Variants in DISP2 observed in about 807,000 individuals in gnomAD.
The protein encoded by DISP2 is protein dispatched homolog 2.
DISP2 carries 59 observed loss-of-function variants against 95.5 expected under a neutral mutation model. The observed-to-expected ratio is 0.62, with a 90% CI of 0.50 to 0.77. The LOEUF (loss-of-function observed/expected upper bound fraction) is 0.77, where lower values mean the gene tolerates loss of function less well. Among genes scored for constraint, DISP2 ranks in the 30% least tolerant of loss-of-function variants. The pLI is 0.00. For synonymous variants in DISP2, 827 were observed against 815.0 expected (o/e 1.01, Z -0.25); for missense variants, 1,752 against 1,854.6 (o/e 0.94, Z 1.02).
intron 3 of DISP2, 64 bp from the exon 4 acceptor site, chr15:40,364,357 G>A (rs572020648): frequency 1.2e-6 from 2 of 1,613,292 alleles, no homozygotes; most frequent in Non-Finnish European, 1.7e-6. Context: ...CTTCTGGGTG[G>A]AGCCTGAGCT....
intron 1 of DISP2, among the ~76,000 whole-genome samples, chr15:40,363,210 G>T (rs573758694): frequency 5.3e-5 from 8 of 151,914 alleles, no homozygotes; most frequent in African/African-American, 1.9e-4. Context: ...TACTCAGGAG[G>T]CTGAGGCAGG....
rs754528067 is a variant in DISP2 at position 40,364,942 on chromosome 15, T to A, written c.708T>A (p.Leu236=). ...AGCTGCTTTTCCTTTCCCCAGACCTTGAGCTGAACAGGTAACAGGCTCTCA... is the reference window on the plus strand; with the variant it reads ...AGCTGCTTTTCCTTTCCCCAGACCTAGAGCTGAACAGGTAACAGGCTCTCA... ...PRKLLFLSPD[L]ELNSSSSHNT... Residue 236 remains leucine (L), a synonymous_variant, in exon 5 of 8, where the codon CTT becomes CTA. Transcript: ENST00000267889. 1 of 1,613,940 alleles carries A rather than the reference T, an allele frequency of 6.2e-7. No individual in the cohort carries two copies. The highest frequency in any genetic ancestry group is 8.5e-7 in the Non-Finnish European group (1 of 1,179,956).
Position 40,370,174 on chromosome 15 carries a change from C to T in DISP2, c.4062C>T (p.Pro1354=), listed in dbSNP as rs374971217. ...AGACAGTGTATGACCCATCATTGCCCGCTTCCCATCACAGCAGCTTGTCCT... is the reference window on the plus strand; with the variant it reads ...AGACAGTGTATGACCCATCATTGCCTGCTTCCCATCACAGCAGCTTGTCCT... ...LRETVYDPSL[P]ASHHSSLSWK... The change falls in exon 8 of 8, where the codon CCC becomes CCT. Residue 1354 remains proline, a synonymous_variant. Transcript: ENST00000267889. The T allele has an allele frequency of 1.2e-5, 20 of 1,612,110 alleles. No homozygotes were observed. The highest frequency in any genetic ancestry group is 1.7e-4 in the Middle Eastern group (1 of 6,056).
chr15:40,365,433 T>G lies in DISP2; in HGVS notation c.847+159T>G, dbSNP rs180835667. Among the ~76,000 whole-genome samples the G allele has an allele frequency of 1.9e-3, 290 of 151,732 alleles. 1 individual carries two copies. The highest frequency in any genetic ancestry group is 3.1e-3 in the Admixed American group (48 of 15,254). ...CCGGGTTACAGCTGGGATAGGGGAGTTCTCAGATGCTCCAGCCAGACAGGG... is the reference window on the plus strand; with the variant it reads ...CCGGGTTACAGCTGGGATAGGGGAGGTCTCAGATGCTCCAGCCAGACAGGG... On this transcript the variant is annotated intron_variant, in intron 6 of 7. Coordinates refer to ENST00000267889, the MANE Select transcript of DISP2 (RefSeq NM_033510.3).
In DISP2 at chr15:40,367,324, G is replaced by C; in HGVS notation, c.1212G>C (p.Gln404His). Residue 404 changes from glutamine (Q) to histidine (H), a missense_variant, in exon 8 of 8, where the codon CAG becomes CAC. Around this residue, in one of 5 missense-constraint regions of DISP2, gnomAD observed 732 missense variants for 714.6 expected, o/e 1.02. Transcript: ENST00000267889. ...RCAQVPTKCS[Q>H]SSAIYQLLHF... The stretch of plus-strand genomic sequence containing the variant: ...CCCAGGTTCCCACCAAGTGCTCCCA[G>C]AGTAGTGCCATCTACCAACTCCTGC... 6.2e-7 allele frequency: 1 copy of C among 1,613,660 alleles called. No homozygotes were observed. Among genetic ancestry groups the C allele is most frequent in the Non-Finnish European group, 8.5e-7 (1 of 1,179,960 alleles).
At position 40,363,904 on chromosome 15, in the gene DISP2, C is replaced by G. The variant is rs143063914; in HGVS notation, c.399C>G (p.Arg133=). The part of the protein sequence containing the change: ...SLSPSPAPSQ[R]DGTWKPPAVQ... ...GCCCTTCTCCAGCCCCCTCACAGCG[C>G]GATGGGACCTGGAAGCCACCCGCTG... The change falls in exon 2 of 8, where the codon CGC becomes CGG. Residue 133 remains arginine, a synonymous_variant. Transcript: ENST00000267889. 6.4e-7 allele frequency: 1 copy of G among 1,564,934 alleles called. No individual in the cohort carries two copies. Among genetic ancestry groups the G allele is most frequent in the African/African-American group, 1.4e-5 (1 of 73,806 alleles).
chr15:40,359,841 C>T (rs941502942), intron 1 of DISP2, among the ~76,000 whole-genome samples: 2 of 152,238 alleles, frequency 1.3e-5, no homozygotes, highest in African/African-American at 4.8e-5. Flanking sequence ...GAATAACTCA[C>T]ACACACAACA....
Position 40,368,243 on chromosome 15 carries a change from G to C in DISP2, c.2131G>C (p.Ala711Pro), listed in dbSNP as rs1204557485. Residue 711 changes from alanine to proline, a missense_variant, in exon 8 of 8, where the codon GCA (alanine) becomes CCA (proline). Ala to Pro is a conservative substitution (Grantham distance 27). Around this residue, in one of 5 missense-constraint regions of DISP2, gnomAD observed 732 missense variants for 714.6 expected, o/e 1.02. Transcript: ENST00000267889. ...CCGCTACATCTGGATCTGCTGGTTCGCAGCACTGGCGGCAGGGGGCGCCTA... is the reference window on the plus strand; with the variant it reads ...CCGCTACATCTGGATCTGCTGGTTCCCAGCACTGGCGGCAGGGGGCGCCTA... ...KFRYIWICWF[A>P]ALAAGGAYIA... 6.2e-7 allele frequency: 1 copy of C among 1,610,590 alleles called. No homozygotes were observed. The highest frequency in any genetic ancestry group is 1.3e-5 in the African/African-American group (1 of 75,012).
In DISP2 at chr15:40,368,212, C is replaced by G; in HGVS notation, c.2100C>G (p.Ile700Met). 6.2e-7 allele frequency: 1 copy of G among 1,609,868 alleles called. No individual in the cohort carries two copies. The highest frequency in any genetic ancestry group is 8.5e-7 in the Non-Finnish European group (1 of 1,179,018). ...AGCGCCTGCTGCCCTGCGGCGTCAT[C>G]AAGTTCCGCTACATCTGGATCTGCT... is the stretch of plus-strand genomic sequence containing the variant. ...LFQRLLPCGV[I>M]KFRYIWICWF... The change falls in exon 8 of 8, where the codon ATC becomes ATG. Residue 700 changes from isoleucine (I) to methionine (M), a missense_variant. Physicochemically the swap from Ile to Met is conservative, Grantham distance 10 (BLOSUM62 1). This residue lies in a region of DISP2 where 732 missense variants were observed against 714.6 expected (regional missense o/e 1.02). Transcript: ENST00000267889.
At chr15:40,364,721 T>TCAGG in intron 4 of DISP2, 117 bp from the exon 5 acceptor site, 1 of 1,393,260 alleles carries the variant, frequency 7.2e-7, no homozygotes. Context: ...CATCCACAAT[T>TCAGG]CAGGCAGGCG....
In DISP2 at chr15:40,367,938, T is replaced by G. The variant is rs779575811; in HGVS notation, c.1826T>G (p.Leu609Arg). ...AGCGCGGCCTTCTATGCCAGCTACC[T>G]GAGCCGCCTGCCGGCCGTTCGCTGC... The part of the protein sequence containing the change: ...TTSAAFYASY[L>R]SRLPAVRCLA... The change falls in exon 8 of 8, where the codon CTG becomes CGG. Residue 609 changes from leucine (L) to arginine (R), a missense_variant. Transcript: ENST00000267889. 4.6e-5 allele frequency: 73 copies of G among 1,588,032 alleles called. No individual in the cohort carries two copies. Among genetic ancestry groups the G allele is most frequent in the Admixed American group, 3.6e-4 (21 of 58,734 alleles).
chr15:40,363,701 C>T lies in DISP2; in HGVS notation c.196C>T (p.Pro66Ser), dbSNP rs144407194. The change falls in exon 2 of 8, where the codon CCT becomes TCT. Residue 66 changes from proline to serine, a missense_variant. Physicochemically the swap from Pro to Ser is moderately conservative, Grantham distance 74. Coordinates refer to ENST00000267889, the MANE Select transcript of DISP2 (RefSeq NM_033510.3). ...CSLHSCPLED[P>S]SSSSGPPPTT... ...CCTCCACAGCTGCCCCCTGGAGGACCCTTCCAGCTCTTCAGGACCCCCACC... is the reference window on the plus strand; with the variant it reads ...CCTCCACAGCTGCCCCCTGGAGGACTCTTCCAGCTCTTCAGGACCCCCACC... The T allele has an allele frequency of 1.2e-6, 2 of 1,610,358 alleles. No homozygotes were observed. The highest frequency in any genetic ancestry group is 1.7e-6 in the Non-Finnish European group (2 of 1,177,854).
At chr15:40,363,131 G>C (rs1282401480) in intron 1 of DISP2, among the ~76,000 whole-genome samples, 2 of 148,334 alleles carry the variant, frequency 1.3e-5, no homozygotes, top group African/African-American at 2.5e-5. Flanking sequence ...GTGAAACCCC[G>C]TCTCTACTGA....
At position 40,374,014 on chromosome 15, in the gene DISP2, A is replaced by AATATATATATATATATATATATAT. The variant is rs1555400589; in HGVS notation, c.*3714_*3715insATATATATATATATATATATATAT. On this transcript the variant is annotated 3_prime_UTR_variant, in exon 8 of 8. Coordinates refer to ENST00000267889, the MANE Select transcript of DISP2 (RefSeq NM_033510.3). Reference sequence around the variant, plus strand: ...GCGAGACTCCATCTTAAAAAAAAAAAATATATATATATATATATGTAAACT... The same window carrying AATATATATATATATATATATATAT: ...GCGAGACTCCATCTTAAAAAAAAAAAATATATATATATATATATATATATATATATATATATATATATGTAAACT... The AATATATATATATATATATATATAT allele has an allele frequency of 3.8e-5, 4 of 104,144 alleles. No individual in the cohort carries two copies. Among genetic ancestry groups the AATATATATATATATATATATATAT allele is most frequent in the African/African-American group, 1.3e-4 (3 of 23,966 alleles). 6.5% of individuals were successfully genotyped at this position (104,144 alleles called of 1,614,324 possible). A position where few individuals can be genotyped will look rare whatever the true frequency, so the allele number is the denominator to read the frequency against.
rs374170793 is a variant in DISP2 at position 40,369,984 on chromosome 15, G to A, written c.3872G>A (p.Gly1291Glu). Residue 1291 changes from glycine to glutamate, a missense_variant, in exon 8 of 8, where the codon GGG becomes GAG. Around this residue, in one of 5 missense-constraint regions of DISP2, gnomAD observed 347 missense variants for 344.2 expected, o/e 1.01. Transcript: ENST00000267889. ...TGTTCCTCAGCCAGCACCCTGGAGG[G>A]GCTCAGCGTCTCTGATGAGACCTGC... is the stretch of plus-strand genomic sequence containing the variant. ...GFCSSASTLE[G>E]LSVSDETCLS... is the part of the protein sequence containing the mutation. The A allele has an allele frequency of 1.9e-6, 3 of 1,613,460 alleles. No individual in the cohort carries two copies. Among genetic ancestry groups the A allele is most frequent in the African/African-American group, 1.3e-5 (1 of 74,926 alleles).
In DISP2 at chr15:40,364,925, T is replaced by G; in HGVS notation, c.691T>G (p.Phe231Val). 6.2e-7 allele frequency: 1 copy of G among 1,614,130 alleles called. No homozygotes were observed. Among genetic ancestry groups the G allele is most frequent in the Non-Finnish European group, 8.5e-7 (1 of 1,180,000 alleles). ...QALTGPRKLLFLSPDLELNSS... is the reference protein window; with the variant it reads ...QALTGPRKLLVLSPDLELNSS... The stretch of plus-strand genomic sequence containing the variant: ...CCTCACAGGCCCCAGGAAGCTGCTT[T>G]TCCTTTCCCCAGACCTTGAGCTGAA... The change falls in exon 5 of 8, where the codon TTC (phenylalanine) becomes GTC (valine). Residue 231 changes from phenylalanine to valine, a missense_variant. By Grantham distance (50) the Phe-to-Val change is conservative. This residue lies in a region of DISP2 where 342 missense variants were observed against 364.3 expected (regional missense o/e 0.94). Coordinates refer to ENST00000267889, the MANE Select transcript of DISP2 (RefSeq NM_033510.3).
chr15:40,370,608 G>C lies in DISP2; in HGVS notation c.*290G>C. The C allele has an allele frequency of 1.6e-6, 1 of 624,146 alleles. No homozygotes were observed. Among genetic ancestry groups the C allele is most frequent in the East Asian group, 3.5e-5 (1 of 28,878 alleles). The allele number at this position is 624,146 out of a possible 1,614,324, so 38.7% of individuals were successfully genotyped here. ...CTAAGACCCCTCCTCTAGAAGTGGG[G>C]AAGGCCAGATGTGTAGCTTCGGGTA... On this transcript the variant is annotated 3_prime_UTR_variant, in exon 8 of 8. Transcript: ENST00000267889.
intron 6 of DISP2, 129 bp from the exon 7 acceptor site, chr15:40,365,499 A>G: frequency 7.8e-7 from 1 of 1,284,828 alleles, no homozygotes. Flanking sequence ...AGGATCAGGC[A>G]GTCCATGCAC....
chr15:40,370,267 A>C lies in DISP2; in HGVS notation c.4155A>C (p.Pro1385=). The C allele has an allele frequency of 6.4e-7, 1 of 1,565,048 alleles. No individual in the cohort carries two copies. Among genetic ancestry groups the C allele is most frequent in the Non-Finnish European group, 8.7e-7 (1 of 1,155,666 alleles). ...TGCCCAATAGCCAGCCAGACCTGCC[A>C]GATGTTTGGCTGCGCAGGCCCAGCA... ...VVLPNSQPDL[P]DVWLRRPSTH... is the part of the protein sequence containing the mutation. The change falls in exon 8 of 8, where the codon CCA becomes CCC. Residue 1385 remains proline, a synonymous_variant. Coordinates refer to ENST00000267889, the MANE Select transcript of DISP2 (RefSeq NM_033510.3).
Sources: gnomAD v4.1 joint callset for allele counts (sites outside exome capture counted in the v4.1 genomes callset) on GRCh38, gnomAD v4.1.1 for gene constraint, gnomAD v4.1.1 regional missense constraint, MANE v1.5 for transcripts, NCBI Gene and HGNC (gene_info 2026-07-23, HGNC 2026-07-21) for gene names.